The following SNTG1 variants were observed in gnomAD, a reference collection of about 807,000 sequenced individuals.
SNTG1 encodes gamma-1-syntrophin.
Under a neutral mutation model 74.7 loss-of-function variants are expected in SNTG1, and 39 were observed. That is an observed-to-expected ratio of 0.52 (90% CI 0.40 to 0.68). The LOEUF (loss-of-function observed/expected upper bound fraction) is 0.68. Ranked by LOEUF, SNTG1 falls within the 30% of genes least tolerant of loss-of-function variation. SNTG1 has a pLI of 0.00. For missense variants in SNTG1, 685 were observed against 609.5 expected (o/e 1.12, Z -1.30); for synonymous variants, 254 against 217.1 (o/e 1.17, Z -1.49).
chr8:50,198,103 G>A (rs764889551), intron 2 of SNTG1, among the ~76,000 whole-genome samples: 51 of 152,048 alleles, frequency 3.4e-4, no homozygotes, highest in Non-Finnish European at 6.5e-4. Context: ...CCCCATATCA[G>A]ATAGCAGCCT....
In SNTG1 at chr8:49,983,857, A is replaced by AT. The variant is rs1812908375; in HGVS notation, c.-103+71630dup. Among the ~76,000 whole-genome samples the AT allele has an allele frequency of 2.0e-5, 3 of 152,346 alleles. No homozygotes were observed. In the South Asian group the frequency reaches 6.2e-4, roughly 32 times the overall value. ...TACTGAAAATTTGAAACTACGTTTCATTTTATTCATGAGAAAATTCATTCC... is the reference window on the plus strand; with the variant it reads ...TACTGAAAATTTGAAACTACGTTTCATTTTTATTCATGAGAAAATTCATTCC... On this transcript the variant is annotated intron_variant, in intron 1 of 18. Coordinates refer to ENST00000642720, the MANE Select transcript of SNTG1 (RefSeq NM_018967.5).
In SNTG1 at chr8:50,610,145, T is replaced by G. The variant is rs143695218; in HGVS notation, c.849+19228T>G. On this transcript the variant is annotated intron_variant, in intron 13 of 18. Transcript: ENST00000642720. Reference sequence around the variant, plus strand: ...GTCTTATTGTAATATGCCTGAGCAGTAGCTGTAGGATCTGTCTCCCTTGTG... The same window carrying G: ...GTCTTATTGTAATATGCCTGAGCAGGAGCTGTAGGATCTGTCTCCCTTGTG... 1.2e-4 allele frequency among the ~76,000 whole-genome samples: 18 copies of G among 152,326 alleles called. No individual in the cohort carries two copies. In the East Asian group the frequency reaches 2.9e-3, roughly 24 times the overall value.
intron 2 of SNTG1, among the ~76,000 whole-genome samples, chr8:50,213,617 C>T (rs1442207106): frequency 2.6e-5 from 4 of 151,992 alleles, no homozygotes; most frequent in Non-Finnish European, 5.9e-5. Context: ...TAATGATTGC[C>T]ATTCTAACTG....
At chr8:50,164,229 A>T (rs995400419) in intron 1 of SNTG1, 2 of 152,030 alleles carry the variant, frequency 1.3e-5, no homozygotes, top group African/African-American at 4.8e-5. Flanking sequence ...GGAGAATAGA[A>T]CATTACTCTG....
intron 1 of SNTG1, among the ~76,000 whole-genome samples, chr8:50,035,132 C>T (rs1818043354): frequency 6.6e-6 from 1 of 152,286 alleles, no homozygotes; most frequent in South Asian, 2.1e-4. Context: ...GTGCACCAAA[C>T]TTCTTCCTGA....
At chr8:50,611,820 G>T (rs1164694579) in intron 13 of SNTG1, among the ~76,000 whole-genome samples, 1 of 152,110 alleles carries the variant, frequency 6.6e-6, no homozygotes, top group Non-Finnish European at 1.5e-5. Flanking sequence ...AGTCTGGAGT[G>T]CAGTGGAATG....
At chr8:50,525,533 A>C (rs2094213092) in intron 9 of SNTG1, among the ~76,000 whole-genome samples, 2 of 151,944 alleles carry the variant, frequency 1.3e-5, no homozygotes, top group African/African-American at 4.8e-5. Context: ...GTGTCATATA[A>C]ATCTCTTAGC....
intron 1 of SNTG1, among the ~76,000 whole-genome samples, chr8:49,939,327 G>T (rs1490030074): frequency 1.3e-5 from 2 of 152,060 alleles, no homozygotes; most frequent in African/African-American, 4.8e-5. Context: ...CAACCATTAG[G>T]CCCTCATCTA....
At chr8:50,545,759 C>A (rs2094382956) in intron 11 of SNTG1, among the ~76,000 whole-genome samples, 1 of 152,028 alleles carries the variant, frequency 6.6e-6, no homozygotes, top group African/African-American at 2.4e-5. Flanking sequence ...CCAGAGTGCA[C>A]ACACTTGTTT....
chr8:49,946,581 T>G (rs1809209530), intron 1 of SNTG1, among the ~76,000 whole-genome samples: 1 of 152,212 alleles, frequency 6.6e-6, no homozygotes, highest in South Asian at 2.1e-4. Context: ...TTCTTTTCTT[T>G]ACTCCAGAAA....
At chr8:50,039,378 C>G (rs1027643740) in intron 1 of SNTG1, among the ~76,000 whole-genome samples, 1 of 142,198 alleles carries the variant, frequency 7.0e-6, no homozygotes, top group Admixed American at 7.5e-5. Flanking sequence ...TGGCATGAAC[C>G]TGGGAGGCGG....
chr8:50,204,609 G>A (rs2084126483), intron 2 of SNTG1, among the ~76,000 whole-genome samples: 1 of 152,046 alleles, frequency 6.6e-6, no homozygotes, highest in Non-Finnish European at 1.5e-5. Context: ...TAGGGTACAT[G>A]TGCACAACAT....
chr8:50,507,456 G>A (rs1426856849), intron 9 of SNTG1, among the ~76,000 whole-genome samples: 4 of 151,734 alleles, frequency 2.6e-5, no homozygotes, highest in Non-Finnish European at 2.9e-5. Flanking sequence ...TCTGGTCATG[G>A]GCCCTTCGTA....
chr8:50,138,661 T>TAATA (rs2081559395), intron 1 of SNTG1, among the ~76,000 whole-genome samples: 1 of 148,740 alleles, frequency 6.7e-6, no homozygotes, highest in South Asian at 2.1e-4. Flanking sequence ...ATAATAATAA[T>TAATA]AATAATAATT....
At chr8:50,510,277 G>T (rs187061019) in intron 9 of SNTG1, among the ~76,000 whole-genome samples, 1 of 152,176 alleles carries the variant, frequency 6.6e-6, no homozygotes, top group African/African-American at 2.4e-5. Context: ...ACTTGATCAT[G>T]TTGGATAAGC....
chr8:50,049,828 A>G (rs1254169383), intron 1 of SNTG1, among the ~76,000 whole-genome samples: 1 of 152,112 alleles, frequency 6.6e-6, no homozygotes, highest in African/African-American at 2.4e-5. Flanking sequence ...TAAAATGCTT[A>G]CAGGTTAATC....
At chr8:50,288,692 A>T (rs1344535933) in intron 2 of SNTG1, among the ~76,000 whole-genome samples, 1 of 152,138 alleles carries the variant, frequency 6.6e-6, no homozygotes, top group Non-Finnish European at 1.5e-5. Flanking sequence ...GATTAAGGTC[A>T]TCTGGAAAAA....
chr8:50,397,179 A>T (rs1034076594), intron 3 of SNTG1, among the ~76,000 whole-genome samples: 27 of 152,344 alleles, frequency 1.8e-4, no homozygotes, highest in African/African-American at 6.5e-4. Context: ...TATAAAGTAC[A>T]AAATACATTC....
chr8:50,093,585 T>C (rs2079822228), intron 1 of SNTG1, among the ~76,000 whole-genome samples: 1 of 152,134 alleles, frequency 6.6e-6, no homozygotes, highest in South Asian at 2.1e-4. Flanking sequence ...CCTGAAGTTC[T>C]TTCCTACAGA....
Sources: allele counts gnomAD v4.1 joint callset (sites outside exome capture counted in the v4.1 genomes callset), GRCh38; gene constraint gnomAD v4.1.1; transcripts MANE v1.5; gene names NCBI Gene and HGNC (gene_info 2026-07-23, HGNC 2026-07-21).